Variants in TANC2 observed in about 807,000 individuals in gnomAD.
TANC2 encodes the protein protein TANC2.
In TANC2, 26 loss-of-function variants were observed where a neutral mutation model predicts 210.5. The observed-to-expected ratio is 0.12, with a 90% confidence interval of 0.09 to 0.17. The LOEUF is 0.17. Among genes scored for constraint, TANC2 ranks in the 10% least tolerant of loss-of-function variants. The pLI is 1.00. For missense variants in TANC2, 2,129 were observed against 2,608.9 expected, an observed-to-expected ratio of 0.82 and a Z score of 4.01; for synonymous variants, 931 against 967.1, an observed-to-expected ratio of 0.96 and a Z score of 0.69.
At chr17:63,058,605 G>A (rs1167328930) in intron 2 of TANC2, among the ~76,000 whole-genome samples, 1 of 152,108 alleles carries the variant, frequency 6.6e-6, no homozygotes, top group Non-Finnish European at 1.5e-5. Context: ...TGTATATGGT[G>A]TAAGGAAGGG....
In TANC2 at chr17:63,105,319, G is replaced by A. The variant is rs1023136795; in HGVS notation, c.322+5962G>A. Among the ~76,000 whole-genome samples the A allele has an allele frequency of 4.6e-5, 7 of 151,660 alleles. 1 individual carries two copies. Among genetic ancestry groups the A allele is most frequent in the African/African-American group, 1.7e-4 (7 of 40,990 alleles). ...AACTGATTTGATCATGCTGAGCCTG[G>A]ATATTTTAGATGCTAGCTATGGCCA... On this transcript the variant is annotated intron_variant, in intron 4 of 27. Transcript: ENST00000689528.
At chr17:63,056,168 C>G (rs1449751002) in intron 2 of TANC2, among the ~76,000 whole-genome samples, 2 of 119,608 alleles carry the variant, frequency 1.7e-5, no homozygotes, top group African/African-American at 6.1e-5. Flanking sequence ...GAGTGAGACT[C>G]TGTGTTAAAA....
intron 5 of TANC2, among the ~76,000 whole-genome samples, chr17:63,178,044 G>A (rs1051858778): frequency 2.0e-5 from 3 of 152,120 alleles, no homozygotes; most frequent in Non-Finnish European, 4.4e-5. Flanking sequence ...AAAACCAACT[G>A]CCCTGGGCCA....
intron 1 of TANC2, among the ~76,000 whole-genome samples, chr17:62,994,820 C>G (rs1420797087): frequency 1.3e-5 from 2 of 152,164 alleles, no homozygotes; most frequent in Non-Finnish European, 2.9e-5. Flanking sequence ...GTACTGCCAT[C>G]TGTCTTTTTG....
chr17:63,215,284 C>A (rs918623554), intron 7 of TANC2, among the ~76,000 whole-genome samples: 6 of 152,170 alleles, frequency 3.9e-5, no homozygotes, highest in African/African-American at 1.4e-4. Context: ...GGATCTAAAC[C>A]ATTCCATCAA....
intron 2 of TANC2, among the ~76,000 whole-genome samples, chr17:63,032,089 C>A (rs2144143686): frequency 6.6e-6 from 1 of 152,280 alleles, no homozygotes; most frequent in Admixed American, 6.5e-5. Flanking sequence ...ATATCTATTT[C>A]TTTCTGCATA....
chr17:62,979,627 A>G (rs1013142908), intron 1 of TANC2, among the ~76,000 whole-genome samples: 1 of 152,220 alleles, frequency 6.6e-6, no homozygotes, highest in African/African-American at 2.4e-5. Context: ...AAATGTGGCA[A>G]GGCAGGGCAC....
chr17:63,048,751 A>C (rs1251443102), intron 2 of TANC2, among the ~76,000 whole-genome samples: 1 of 152,188 alleles, frequency 6.6e-6, no homozygotes, highest in African/African-American at 2.4e-5. Context: ...TGATGAGTAC[A>C]CATGGAGACA....
At chr17:63,290,413 T>G (rs2044349920) in intron 9 of TANC2, among the ~76,000 whole-genome samples, 1 of 152,158 alleles carries the variant, frequency 6.6e-6, no homozygotes, top group South Asian at 2.1e-4. Context: ...TGCCCTCACC[T>G]CTTATGGATC....
intron 8 of TANC2, among the ~76,000 whole-genome samples, chr17:63,239,291 C>T (rs1242770250): frequency 1.3e-5 from 2 of 152,122 alleles, no homozygotes; most frequent in Non-Finnish European, 2.9e-5. Flanking sequence ...ATAATTCAAA[C>T]CTGGGACTTT....
chr17:63,291,133 G>C (rs1046993475), intron 9 of TANC2, among the ~76,000 whole-genome samples: 3 of 152,152 alleles, frequency 2.0e-5, no homozygotes, highest in African/African-American at 7.2e-5. Flanking sequence ...TAGTATCCAA[G>C]TCTTACCTGT....
Position 63,355,320 on chromosome 17 carries a change from C to T in TANC2, c.2512C>T (p.His838Tyr), listed in dbSNP as rs1490007629. ...CAGAGACATGACTCGTATGTTTGTA[C>T]ATCCTTCTTTTCGAGAATGGCTTAT... Residue 838 changes from histidine (H) to tyrosine (Y), a missense_variant, in exon 14 of 28, where the codon CAT (histidine) becomes TAT (tyrosine). His to Tyr is a moderately conservative substitution (Grantham distance 83). This residue lies in a region of TANC2 where 644 missense variants were observed against 937.5 expected (regional missense o/e 0.69). Coordinates refer to ENST00000689528, the Ensembl canonical transcript of TANC2. 1.2e-6 allele frequency: 2 copies of T among 1,610,718 alleles called. No homozygotes were observed. Among genetic ancestry groups the T allele is most frequent in the Admixed American group, 1.7e-5 (1 of 59,384 alleles).
At chr17:63,391,748 C>T (rs988092093) in intron 17 of TANC2, 6 of 123,598 alleles carry the variant, frequency 4.9e-5, no homozygotes, top group African/African-American at 1.8e-4. Context: ...TTTTTTTAAA[C>T]AGAGCCTGGC....
intron 1 of TANC2, among the ~76,000 whole-genome samples, chr17:62,996,994 T>TTTTTTTTTTTTTTTTTTTTTTTTTTTGAG (rs2033144497): frequency 1.4e-5 from 2 of 143,658 alleles, no homozygotes. Context: ...TTTGTATTTT[T>TTTTTTTTTTTTTTTTTTTTTTTTTTTGAG]AGTATAGATG....
At chr17:63,323,848 C>T (rs1257507410) in intron 11 of TANC2, among the ~76,000 whole-genome samples, 1 of 152,050 alleles carries the variant, frequency 6.6e-6, no homozygotes, top group East Asian at 1.9e-4. Flanking sequence ...ATGGTTATCC[C>T]CATTTTACAA....
At chr17:63,375,138 A>G (rs1224455926) in intron 14 of TANC2, among the ~76,000 whole-genome samples, 4 of 152,224 alleles carry the variant, frequency 2.6e-5, no homozygotes, top group Non-Finnish European at 5.9e-5. Context: ...AGATGTCACC[A>G]TGGGAGCTAA....
intron 1 of TANC2, among the ~76,000 whole-genome samples, chr17:62,972,560 A>T (rs911703774): frequency 2.0e-5 from 3 of 152,168 alleles, no homozygotes; most frequent in Non-Finnish European, 4.4e-5. Flanking sequence ...GTTTTTGTCA[A>T]CTTTGCCTAC....
chr17:63,182,758 T>G (rs1400618598), intron 5 of TANC2: 3 of 152,984 alleles, frequency 2.0e-5, no homozygotes, highest in Non-Finnish European at 4.4e-5. Flanking sequence ...AACTTATACC[T>G]AAAATAGTTG....
intron 4 of TANC2, among the ~76,000 whole-genome samples, chr17:63,121,149 C>T (rs933027211): frequency 6.6e-6 from 1 of 151,940 alleles, no homozygotes; most frequent in Non-Finnish European, 1.5e-5. Flanking sequence ...AGGGTCATTT[C>T]TAGTCATCCT....
Sources: gnomAD v4.1 joint callset for allele counts (sites outside exome capture counted in the v4.1 genomes callset) on GRCh38, gnomAD v4.1.1 for gene constraint, gnomAD v4.1.1 regional missense constraint, MANE v1.5 for transcripts, NCBI Gene and HGNC (gene_info 2026-07-23, HGNC 2026-07-21) for gene names.